The following FGGY variants were observed in gnomAD, a reference collection of about 807,000 sequenced individuals.
The protein encoded by FGGY is FGGY carbohydrate kinase domain containing, also known as FGGY carbohydrate kinase domain-containing protein.
FGGY carries 72 observed loss-of-function variants against 71.3 expected under a neutral mutation model. That is an observed-to-expected ratio of 1.01 (90% CI 0.84 to 1.23). The LOEUF (loss-of-function observed/expected upper bound fraction) is 1.23, where lower values mean the gene tolerates loss of function less well. Ranked by LOEUF, FGGY falls within the 50% of genes most tolerant of loss-of-function variation. The pLI is 0.00. For synonymous variants in FGGY, 251 were observed against 250.3 expected (o/e 1.00, Z -0.02); for missense variants, 668 against 682.3 (o/e 0.98, Z 0.23).
At chr1:59,473,451 C>T (rs2093092125) in intron 6 of FGGY, among the ~76,000 whole-genome samples, 1 of 152,332 alleles carries the variant, frequency 6.6e-6, no homozygotes, top group East Asian at 1.9e-4. Flanking sequence ...CGGCTTCATT[C>T]TTGAAGTCAG....
chr1:59,465,711 C>T (rs1301060645), intron 6 of FGGY, among the ~76,000 whole-genome samples: 6 of 151,652 alleles, frequency 4.0e-5, no homozygotes, highest in African/African-American at 9.7e-5. Context: ...TATACACCAA[C>T]AACAGACAGA....
At chr1:59,390,963 G>A (rs2060619315) in intron 5 of FGGY, among the ~76,000 whole-genome samples, 1 of 152,154 alleles carries the variant, frequency 6.6e-6, no homozygotes, top group Non-Finnish European at 1.5e-5. Context: ...CCCTAATCCA[G>A]TAATTGATAG....
At chr1:59,376,694 G>A (rs998605404) in intron 4 of FGGY, among the ~76,000 whole-genome samples, 1 of 152,082 alleles carries the variant, frequency 6.6e-6, no homozygotes, top group Non-Finnish European at 1.5e-5. Context: ...GTTACCCTGC[G>A]GCAGGTACTG....
intron 2 of FGGY, among the ~76,000 whole-genome samples, chr1:59,333,389 C>A (rs1460901598): frequency 6.6e-6 from 1 of 152,258 alleles, no homozygotes; most frequent in Non-Finnish European, 1.5e-5. Context: ...CTGCTACTTA[C>A]TGTGCACTGA....
chr1:59,666,613 A>C (rs1241268884), intron 12 of FGGY, among the ~76,000 whole-genome samples: 1 of 152,220 alleles, frequency 6.6e-6, no homozygotes, highest in African/African-American at 2.4e-5. Flanking sequence ...ATTAATGCAC[A>C]AGAACTGAGA....
intron 11 of FGGY, among the ~76,000 whole-genome samples, chr1:59,657,962 G>C (rs2153953385): frequency 6.6e-6 from 1 of 152,262 alleles, no homozygotes; most frequent in African/African-American, 2.4e-5. Flanking sequence ...TTGTCCACCT[G>C]TACTTGTAGA....
chr1:59,354,359 G>A (rs569620793), intron 4 of FGGY, among the ~76,000 whole-genome samples: 35 of 152,328 alleles, frequency 2.3e-4, no homozygotes, highest in African/African-American at 8.2e-4. Flanking sequence ...GATTACAGGT[G>A]TGAGCCACTG....
chr1:59,481,777 T>C (rs2153567820), intron 6 of FGGY, among the ~76,000 whole-genome samples: 1 of 152,302 alleles, frequency 6.6e-6, no homozygotes, highest in South Asian at 2.1e-4. Flanking sequence ...GAGATTAAAC[T>C]GAACAGATTT....
chr1:59,303,606 G>A (rs750637207), intron 1 of FGGY, among the ~76,000 whole-genome samples: 10 of 152,134 alleles, frequency 6.6e-5, no homozygotes, highest in Middle Eastern at 6.8e-3. Context: ...ATTTCTTTTG[G>A]ATATATATCC....
At chr1:59,435,636 A>T (rs375906276) in intron 5 of FGGY, among the ~76,000 whole-genome samples, 14 of 152,140 alleles carry the variant, frequency 9.2e-5, no homozygotes, top group African/African-American at 3.4e-4. Context: ...CCTCAGATCA[A>T]TGTCACCTCC....
chr1:59,416,860 C>G (rs1422891676), intron 5 of FGGY, among the ~76,000 whole-genome samples: 1 of 152,158 alleles, frequency 6.6e-6, no homozygotes, highest in Non-Finnish European at 1.5e-5. Context: ...CTCTTAGCAG[C>G]AAGAAGCAGG....
At chr1:59,520,862 G>A (rs1026428475) in intron 7 of FGGY, among the ~76,000 whole-genome samples, 2 of 152,156 alleles carry the variant, frequency 1.3e-5, no homozygotes, top group African/African-American at 4.8e-5. Context: ...GGACACTGGG[G>A]TCAGAAGCAG....
At chr1:59,361,975 C>G (rs1173435967) in intron 4 of FGGY, among the ~76,000 whole-genome samples, 2 of 152,172 alleles carry the variant, frequency 1.3e-5, no homozygotes, top group African/African-American at 4.8e-5. Flanking sequence ...TGACATCAGC[C>G]ATGACTTCAT....
chr1:59,658,316 T>G (rs2097240970), intron 11 of FGGY, among the ~76,000 whole-genome samples: 1 of 152,208 alleles, frequency 6.6e-6, no homozygotes, highest in Non-Finnish European at 1.5e-5. Flanking sequence ...CTGGGAAACT[T>G]TGTGAAGGAT....
chr1:59,389,050 C>T (rs948374810), intron 5 of FGGY, among the ~76,000 whole-genome samples: 8 of 152,184 alleles, frequency 5.3e-5, no homozygotes, highest in Non-Finnish European at 7.4e-5. Flanking sequence ...AGGGTTCAAG[C>T]GATTCTCCTG....
intron 14 of FGGY, among the ~76,000 whole-genome samples, chr1:59,706,435 A>G (rs1342209064): frequency 6.6e-6 from 1 of 152,232 alleles, no homozygotes; most frequent in East Asian, 1.9e-4. Flanking sequence ...AGTACTTGGC[A>G]CATAGTACAG....
At chr1:59,738,236 G>A (rs2098121411) in intron 14 of FGGY, among the ~76,000 whole-genome samples, 1 of 152,172 alleles carries the variant, frequency 6.6e-6, no homozygotes, top group South Asian at 2.1e-4. Context: ...AACAGGGTAA[G>A]GATTGTCTGA....
intron 14 of FGGY, among the ~76,000 whole-genome samples, chr1:59,720,756 A>T (rs193131121): frequency 6.6e-4 from 100 of 151,844 alleles, no homozygotes; most frequent in African/African-American, 2.2e-3. Context: ...GATGACTTTT[A>T]AAAAAAGGCT....
At chr1:59,727,601 A>G (rs2097963590) in intron 14 of FGGY, among the ~76,000 whole-genome samples, 3 of 152,344 alleles carry the variant, frequency 2.0e-5, no homozygotes, top group African/African-American at 7.2e-5. Context: ...GGATCAGAGC[A>G]ATCAATATTG....
Sources: allele counts gnomAD v4.1 joint callset (sites outside exome capture counted in the v4.1 genomes callset), GRCh38; gene constraint gnomAD v4.1.1; transcripts MANE v1.5; gene names NCBI Gene and HGNC (gene_info 2026-07-23, HGNC 2026-07-21).